Variants in LRCH1 observed in about 807,000 individuals in gnomAD.
The protein encoded by LRCH1 is leucine rich repeats and calponin homology domain containing 1, also known as leucine-rich repeat and calponin homology domain-containing protein 1.
A neutral mutation model predicts 94.9 loss-of-function variants in LRCH1; 23 were observed. The ratio of observed to expected loss-of-function variants is 0.24; its 90% CI spans 0.17 to 0.34. LRCH1 has a LOEUF of 0.34. Among genes scored for constraint, LRCH1 ranks in the 10% least tolerant of loss-of-function variants. The pLI, the probability that LRCH1 is intolerant of heterozygous loss-of-function variation, is 1.00. For missense variants in LRCH1, 790 were observed against 945.9 expected, an observed-to-expected ratio of 0.84 and a Z score of 2.16; for synonymous variants, 364 against 354.9, an observed-to-expected ratio of 1.03 and a Z score of -0.29.
At position 46,553,172 on chromosome 13, in the gene LRCH1, A is replaced by C. The variant is rs2050016732; in HGVS notation, c.-225A>C. On this transcript the variant is annotated 5_prime_UTR_variant, in exon 1 of 20. Coordinates refer to ENST00000389797, the MANE Select transcript of LRCH1 (RefSeq NM_001164211.2). ...CTGCCGCCGCCGCCGCCGCCGCCGC[A>C]GTCCTTAGCTTCCCGGGGACAGGAA... 7 of 562,414 alleles carry C rather than the reference A, an allele frequency of 1.2e-5. No homozygotes were observed. Among genetic ancestry groups the C allele is most frequent in the African/African-American group, 2.2e-5 (1 of 46,328 alleles). The allele number at this position is 562,414 out of a possible 1,614,324, so 34.8% of individuals were successfully genotyped here. A position where few individuals can be genotyped will look rare whatever the true frequency, so the allele number is the denominator to read the frequency against.
At chr13:46,686,453 A>G (rs1320533264) in intron 5 of LRCH1, among the ~76,000 whole-genome samples, 3 of 152,178 alleles carry the variant, frequency 2.0e-5, no homozygotes, top group Non-Finnish European at 4.4e-5. Flanking sequence ...CCTACTGTCA[A>G]ACAAGAGAAG....
intron 1 of LRCH1, among the ~76,000 whole-genome samples, chr13:46,627,937 T>G (rs1328053918): frequency 6.6e-6 from 1 of 152,208 alleles, no homozygotes; most frequent in Non-Finnish European, 1.5e-5. Flanking sequence ...CCTGAAAACC[T>G]CATGTTCTAC....
intron 16 of LRCH1, among the ~76,000 whole-genome samples, chr13:46,721,892 C>G (rs1445830859): frequency 2.0e-5 from 3 of 152,150 alleles, no homozygotes; most frequent in Non-Finnish European, 4.4e-5. Context: ...AATCTTAGAA[C>G]TAATTTAGAA....
intron 18 of LRCH1, among the ~76,000 whole-genome samples, chr13:46,733,185 A>G (rs2138236630): frequency 6.6e-6 from 1 of 152,318 alleles, no homozygotes; most frequent in South Asian, 2.1e-4. Context: ...GAATATTACA[A>G]TTTAGCAGCA....
At chr13:46,745,584 G>A (rs535069032), downstream of LRCH1, among the ~76,000 whole-genome samples, 5 of 152,136 alleles carry the variant, frequency 3.3e-5, no homozygotes, top group African/African-American at 4.8e-5. Flanking sequence ...TGGTTGCAAA[G>A]TAAATAATCC....
chr13:46,629,901 G>A (rs2050998487), intron 1 of LRCH1, among the ~76,000 whole-genome samples: 1 of 152,328 alleles, frequency 6.6e-6, no homozygotes, highest in Admixed American at 6.5e-5. Flanking sequence ...GGATGGAGCA[G>A]GGGTCTCCCC....
intron 17 of LRCH1, among the ~76,000 whole-genome samples, chr13:46,726,697 G>C (rs1872829007): frequency 1.3e-5 from 2 of 151,930 alleles, no homozygotes; most frequent in African/African-American, 4.8e-5. Context: ...AGTTTCAGTG[G>C]AGACCACGTG....
intron 1 of LRCH1, among the ~76,000 whole-genome samples, chr13:46,600,579 G>C (rs2050616382): frequency 6.8e-6 from 1 of 147,316 alleles, no homozygotes; most frequent in Non-Finnish European, 1.5e-5. Flanking sequence ...CACCCAGTAA[G>C]AAATATGTTT....
chr13:46,566,003 G>T (rs1180365069), intron 1 of LRCH1, among the ~76,000 whole-genome samples: 1 of 151,960 alleles, frequency 6.6e-6, no homozygotes, highest in African/African-American at 2.4e-5. Context: ...GCCAGCTCTT[G>T]TTTTGGCCTC....
intron 1 of LRCH1, among the ~76,000 whole-genome samples, chr13:46,633,216 C>T (rs2051039852): frequency 6.6e-6 from 1 of 152,102 alleles, no homozygotes. Flanking sequence ...AAAAAATTGC[C>T]CAAGGAAGTA....
chr13:46,702,516 AAAAC>A (rs1871534042), intron 11 of LRCH1, among the ~76,000 whole-genome samples: 1 of 152,102 alleles, frequency 6.6e-6, no homozygotes, highest in African/African-American at 2.4e-5. Flanking sequence ...AAATAATAAT[AAAAC>A]AAATAAATAA....
intron 1 of LRCH1, among the ~76,000 whole-genome samples, chr13:46,624,680 C>G (rs921472875): frequency 1.3e-5 from 2 of 152,112 alleles, no homozygotes; most frequent in Non-Finnish European, 2.9e-5. Context: ...GGTAGGGGAG[C>G]CTCCTTGCAA....
chr13:46,622,945 G>T (rs866134739), intron 1 of LRCH1, among the ~76,000 whole-genome samples: 125 of 152,180 alleles, frequency 8.2e-4, no homozygotes, highest in African/African-American at 2.8e-3. Flanking sequence ...AGCTTAGTGA[G>T]CTGAAGCCTT....
intron 1 of LRCH1, among the ~76,000 whole-genome samples, chr13:46,562,477 A>C (rs1360163850): frequency 6.6e-6 from 1 of 152,124 alleles, no homozygotes; most frequent in Non-Finnish European, 1.5e-5. Context: ...TCCTGAGCCC[A>C]AATTTCCTCT....
intron 1 of LRCH1, among the ~76,000 whole-genome samples, chr13:46,634,654 T>G (rs1309686609): frequency 6.6e-6 from 1 of 152,270 alleles, no homozygotes; most frequent in African/African-American, 2.4e-5. Context: ...ACTATGCTGC[T>G]AAATGTAAAT....
At position 46,711,414 on chromosome 13, in the gene LRCH1, A is replaced by G. The variant is rs1366368305; in HGVS notation, c.1528-377A>G. ...TTGAATGCTCCCAATGTGATTCTGC[A>G]TATTTAGGAAGTACTACCTTGAACC... On this transcript the variant is annotated intron_variant, in intron 13 of 19. Transcript: ENST00000389797. Among the ~76,000 whole-genome samples, 5 of 152,296 alleles carry G rather than the reference A, an allele frequency of 3.3e-5. No individual in the cohort carries two copies. The East Asian group carries it at 7.7e-4, about 24-fold the overall frequency.
intron 7 of LRCH1, among the ~76,000 whole-genome samples, chr13:46,691,299 A>C (rs1332215521): frequency 6.6e-6 from 1 of 152,242 alleles, no homozygotes; most frequent in Non-Finnish European, 1.5e-5. Context: ...TACTGTGGGA[A>C]AGGAAGCCCT....
At chr13:46,721,404 G>A (rs1462743203) in intron 16 of LRCH1, among the ~76,000 whole-genome samples, 1 of 152,084 alleles carries the variant, frequency 6.6e-6, no homozygotes, top group Non-Finnish European at 1.5e-5. Flanking sequence ...GGTAAATTTG[G>A]TGGTGCAAAT....
At position 46,689,124 on chromosome 13, in the gene LRCH1, C is replaced by T. The variant is rs1441795075; in HGVS notation, c.951-9C>T. 1 of 1,602,086 alleles carries T rather than the reference C, an allele frequency of 6.2e-7. No homozygotes were observed. Among genetic ancestry groups the T allele is most frequent in the Non-Finnish European group, 8.5e-7 (1 of 1,171,832 alleles). On this transcript the variant is annotated splice_polypyrimidine_tract_variant and intron_variant, in intron 6 of 19. Coordinates refer to ENST00000389797, the MANE Select transcript of LRCH1 (RefSeq NM_001164211.2). Reference sequence around the variant, plus strand: ...TAAATGAATTCAATATTGATGGCATCTATCTCAGCAAGAAGGATTCTGATT... The same window carrying T: ...TAAATGAATTCAATATTGATGGCATTTATCTCAGCAAGAAGGATTCTGATT...
Sources: allele counts gnomAD v4.1 joint callset (sites outside exome capture counted in the v4.1 genomes callset), GRCh38; gene constraint gnomAD v4.1.1; transcripts MANE v1.5; gene names NCBI Gene and HGNC (gene_info 2026-07-23, HGNC 2026-07-21).